The following CD36 variants were observed in gnomAD, a reference collection of about 807,000 sequenced individuals.
The protein encoded by CD36 is platelet glycoprotein 4.
In CD36, 119 loss-of-function variants were observed where a neutral mutation model predicts 55.2. The ratio of observed to expected loss-of-function variants is 2.15; its 90% CI spans 1.86 to 2.51. The LOEUF (loss-of-function observed/expected upper bound fraction) is 2.51, where lower values mean the gene tolerates loss of function less well. Ranked by LOEUF, CD36 falls within the 30% of genes most tolerant of loss-of-function variation. The pLI is 0.00. For missense variants in CD36, 819 were observed against 555.5 expected (o/e 1.47, Z -4.77); for synonymous variants, 186 against 193.6 (o/e 0.96, Z 0.33).
chr7:80,638,150 T>C (rs1221175285), upstream of CD36, among the ~76,000 whole-genome samples: 3 of 152,002 alleles, frequency 2.0e-5, no homozygotes, highest in Non-Finnish European at 2.9e-5. Context: ...CAGTCTCCAA[T>C]TGTTTTCAGA....
chr7:80,672,078 T>A (rs772057354), intron 11 of CD36, 38 bp downstream of exon 11: 1 of 1,477,320 alleles, frequency 6.8e-7, no homozygotes, highest in Non-Finnish European at 9.4e-7. Flanking sequence ...TGGTTGATAT[T>A]TTTAAAAATA....
chr7:80,621,858 C>T (rs376633580), intron 1 of CD36, among the ~76,000 whole-genome samples: 26 of 152,256 alleles, frequency 1.7e-4, no homozygotes, highest in East Asian at 1.6e-3. Flanking sequence ...CACCTCTAGC[C>T]GAAGACAGTT....
upstream of CD36, chr7:80,638,558 A>G (rs980927112): frequency 7.1e-6 from 1 of 141,208 alleles, no homozygotes; most frequent in African/African-American, 2.6e-5. Context: ...GGGATCTGAC[A>G]CTGTAGAGTG....
intron 7 of CD36, among the ~76,000 whole-genome samples, chr7:80,665,191 A>C (rs1490161423): frequency 6.7e-6 from 1 of 149,360 alleles, no homozygotes; most frequent in Non-Finnish European, 1.5e-5. Context: ...TTCCTAAGCC[A>C]TTATTTCCTT....
chr7:80,623,346 C>T (rs1205786776), intron 1 of CD36, among the ~76,000 whole-genome samples: 1 of 134,326 alleles, frequency 7.4e-6, no homozygotes, highest in Non-Finnish European at 1.7e-5. Context: ...ACATTTTCTT[C>T]CACTTTGTGG....
intron 1 of CD36, among the ~76,000 whole-genome samples, chr7:80,644,572 ATT>A (rs1029116078): frequency 6.6e-6 from 1 of 152,128 alleles, no homozygotes; most frequent in African/African-American, 2.4e-5. Flanking sequence ...GGAAAATATC[ATT>A]TTCTTATTCT....
chr7:80,658,162 C>A (rs1468930472), intron 4 of CD36, among the ~76,000 whole-genome samples: 1 of 152,210 alleles, frequency 6.6e-6, no homozygotes, highest in East Asian at 1.9e-4. Context: ...TTTATGGGTA[C>A]AAAAACATCT....
At chr7:80,671,786 T>C (rs1474492235) in intron 10 of CD36, 136 bp from the exon 11 acceptor site, 2 of 730,550 alleles carry the variant, frequency 2.7e-6, no homozygotes, top group African/African-American at 3.6e-5. Context: ...TCAACTGACA[T>C]AATTCTTCCC....
rs1795199961 is a variant in CD36, at chr7:80,646,777, G to T, written c.37G>T (p.Ala13Ser). Residue 13 changes from alanine to serine, a missense_variant, in exon 3 of 15, where the codon GCT becomes TCT. Transcript: ENST00000447544. ...CCGGAACTGTGGGCTCATCGCTGGGGCTGTCATTGGTGCTGTCCTGGCTGT... is the reference window on the plus strand; with the variant it reads ...CCGGAACTGTGGGCTCATCGCTGGGTCTGTCATTGGTGCTGTCCTGGCTGT... ...CDRNCGLIAG[A>S]VIGAVLAVFG... 1.9e-6 allele frequency: 3 copies of T among 1,613,896 alleles called. No homozygotes were observed. Among genetic ancestry groups the T allele is most frequent in the Admixed American group, 3.3e-5 (2 of 59,990 alleles).
At chr7:80,661,511 A>G (rs1352408268) in intron 5 of CD36, among the ~76,000 whole-genome samples, 1 of 152,214 alleles carries the variant, frequency 6.6e-6, no homozygotes, top group East Asian at 1.9e-4. Flanking sequence ...CATTTGTTTC[A>G]GTATGTCTTT....
intron 3 of CD36, among the ~76,000 whole-genome samples, chr7:80,649,026 T>C (rs1795394957): frequency 6.6e-6 from 1 of 152,114 alleles, no homozygotes; most frequent in African/African-American, 2.4e-5. Flanking sequence ...TAATTGATGA[T>C]ACAATACACA....
intron 4 of CD36, among the ~76,000 whole-genome samples, chr7:80,659,699 G>A (rs945795487): frequency 5.3e-5 from 8 of 151,974 alleles, no homozygotes; most frequent in South Asian, 2.1e-4. Context: ...TTTAGGTAAC[G>A]TGACAATTAT....
At chr7:80,676,126 C>G (rs1486690556) in intron 14 of CD36, 2 of 152,150 alleles carry the variant, frequency 1.3e-5, no homozygotes. Context: ...TGATTCTTCA[C>G]ATTTGTGCGC....
intron 8 of CD36, among the ~76,000 whole-genome samples, chr7:80,667,756 T>G (rs867702867): frequency 2.9e-5 from 4 of 137,872 alleles, no homozygotes; most frequent in East Asian, 2.3e-4. Context: ...TGTTTTTTTT[T>G]TTTTTTTTTT....
intron 3 of CD36, among the ~76,000 whole-genome samples, chr7:80,651,259 G>A (rs144083588): frequency 1.1e-4 from 17 of 151,968 alleles, no homozygotes; most frequent in East Asian, 9.7e-4. Flanking sequence ...GGAGGAGAGC[G>A]GAGGATCAAA....
At chr7:80,628,523 T>C (rs1352087383) in intron 1 of CD36, among the ~76,000 whole-genome samples, 1 of 152,098 alleles carries the variant, frequency 6.6e-6, no homozygotes, top group Non-Finnish European at 1.5e-5. Flanking sequence ...AACACTTTTT[T>C]TCTCCTCCTT....
intron 1 of CD36, among the ~76,000 whole-genome samples, chr7:80,629,661 C>A (rs1246807183): frequency 1.3e-5 from 2 of 151,972 alleles, no homozygotes; most frequent in African/African-American, 4.8e-5. Flanking sequence ...TGCTTTCTTT[C>A]CTCTGGAAAA....
chr7:80,668,435 A>G (rs2116814217), intron 8 of CD36, among the ~76,000 whole-genome samples: 1 of 152,294 alleles, frequency 6.6e-6, no homozygotes, highest in East Asian at 1.9e-4. Context: ...GTAAGGTTCT[A>G]ATGTGTTTTC....
intron 1 of CD36, among the ~76,000 whole-genome samples, chr7:80,625,827 A>G (rs947930880): frequency 4.6e-5 from 7 of 152,148 alleles, no homozygotes; most frequent in African/African-American, 1.7e-4. Context: ...GATATATTGC[A>G]TTTTGTTCAT....
Sources: gnomAD v4.1 joint callset for allele counts (sites outside exome capture counted in the v4.1 genomes callset) on GRCh38, gnomAD v4.1.1 for gene constraint, MANE v1.5 for transcripts, NCBI Gene and HGNC (gene_info 2026-07-23, HGNC 2026-07-21) for gene names.